The following GYPB variants were observed in gnomAD, a reference collection of about 807,000 sequenced individuals.
GYPB encodes the protein glycophorin B (MNS blood group).
GYPB carries 13 observed loss-of-function variants against 15.3 expected under a neutral mutation model. The ratio of observed to expected loss-of-function variants is 0.85; its 90% CI spans 0.55 to 1.35. The LOEUF (loss-of-function observed/expected upper bound fraction) is 1.35. GYPB is among the 40% of genes most tolerant of loss of function. The probability of loss-of-function intolerance (pLI) is 0.00; values close to 1 mark genes in which losing one functional copy is unlikely to be tolerated. For missense variants in GYPB, 131 were observed against 108.3 expected (o/e 1.21, Z -0.93); for synonymous variants, 38 against 36.9 (o/e 1.03, Z -0.11).
rs1728641323 is a variant in GYPB, at chr4:144,018,882, A to G, written c.37+369T>C. On this transcript the variant is annotated intron_variant, in intron 1 of 4. Transcript: ENST00000502664. ...GAAAACTAAAAGCCATATAGCTACC[A>G]ACACCTTTGTTAATAACTCTTTAGT... Among the ~76,000 whole-genome samples the G allele has an allele frequency of 2.0e-5, 3 of 151,518 alleles. No homozygotes were observed. The South Asian group carries it at 6.2e-4, about 31-fold the overall frequency.
intron 1 of GYPB, among the ~76,000 whole-genome samples, chr4:144,009,111 C>A (rs558906921): frequency 1.3e-5 from 2 of 151,426 alleles, no homozygotes; most frequent in South Asian, 2.1e-4. Context: ...CACTTCCTCC[C>A]TCAATTCACA....
In GYPB at chr4:144,011,302, C is replaced by T. The variant is rs190769242; in HGVS notation, c.37+7949G>A. Among the ~76,000 whole-genome samples, 594 of 151,424 alleles carry T rather than the reference C, an allele frequency of 3.9e-3. 44 individuals are homozygous for T. The highest frequency in any genetic ancestry group is 0.014 in the African/African-American group (570 of 40,724). On this transcript the variant is annotated intron_variant, in intron 1 of 4. Transcript: ENST00000502664. ...GGCTGAGGCAGGAGAATTGCTTGAACCCGGGAGGCAGAGGTTGCAGTGAGC... is the reference window on the plus strand; with the variant it reads ...GGCTGAGGCAGGAGAATTGCTTGAATCCGGGAGGCAGAGGTTGCAGTGAGC...
intron 1 of GYPB, among the ~76,000 whole-genome samples, chr4:144,010,755 A>G (rs1299061664): frequency 1.3e-5 from 2 of 151,362 alleles, no homozygotes; most frequent in Non-Finnish European, 1.5e-5. Flanking sequence ...TGGCTCATGC[A>G]CACCTTTATC....
chr4:143,997,308 T>C (rs1727374997), intron 4 of GYPB: 1 of 388,926 alleles, frequency 2.6e-6, no homozygotes, highest in African/African-American at 2.1e-5. Flanking sequence ...TAGGGAGATC[T>C]TTCATTGGGA....
At chr4:144,008,083 G>A (rs1356046171) in intron 1 of GYPB, among the ~76,000 whole-genome samples, 1 of 151,492 alleles carries the variant, frequency 6.6e-6, no homozygotes, top group African/African-American at 2.5e-5. Flanking sequence ...AACTAGCTGA[G>A]ACCCTATTGT....
At chr4:144,010,777 G>T (rs1268128678) in intron 1 of GYPB, among the ~76,000 whole-genome samples, 2 of 151,238 alleles carry the variant, frequency 1.3e-5, no homozygotes, top group Non-Finnish European at 2.9e-5. Context: ...AGCTTATCTA[G>T]CTCCAGAAAG....
At chr4:144,007,985 A>T (rs1239676231) in intron 1 of GYPB, among the ~76,000 whole-genome samples, 1 of 151,412 alleles carries the variant, frequency 6.6e-6, no homozygotes, top group Admixed American at 6.6e-5. Context: ...AATCATGGAA[A>T]TCTGTATGTC....
At chr4:144,018,703 C>G (rs546832159) in intron 1 of GYPB, among the ~76,000 whole-genome samples, 4 of 151,174 alleles carry the variant, frequency 2.6e-5, no homozygotes, top group South Asian at 2.1e-4. Context: ...AAAATTCACA[C>G]GACACCTAAG....
In GYPB at chr4:144,004,839, G is replaced by A. The variant is rs573600655; in HGVS notation, c.38-3556C>T. Reference sequence around the variant, plus strand: ...CTGTGGACATATTCAATTCTGCAAAGCTGCAAAATATCTGTGAGAAGCTGG... The same window carrying A: ...CTGTGGACATATTCAATTCTGCAAAACTGCAAAATATCTGTGAGAAGCTGG... On this transcript the variant is annotated intron_variant, in intron 1 of 4. Coordinates refer to ENST00000502664, the MANE Select transcript of GYPB (RefSeq NM_002100.6). 7.8e-4 allele frequency among the ~76,000 whole-genome samples: 119 copies of A among 151,902 alleles called. 4 individuals are homozygous for A. Among genetic ancestry groups the A allele is most frequent in the African/African-American group, 2.7e-3 (112 of 41,114 alleles).
intron 1 of GYPB, among the ~76,000 whole-genome samples, chr4:144,015,252 C>A (rs1197683559): frequency 6.6e-6 from 1 of 150,912 alleles, no homozygotes; most frequent in Non-Finnish European, 1.5e-5. Context: ...CTTACAATCC[C>A]AACACTCAGA....
intron 1 of GYPB, among the ~76,000 whole-genome samples, chr4:144,006,200 G>C (rs1579058168): frequency 1.3e-5 from 2 of 152,060 alleles, no homozygotes; most frequent in African/African-American, 4.8e-5. Context: ...GTTTGAGAAG[G>C]GTGGAATGAA....
chr4:144,013,848 C>A (rs915339456), intron 1 of GYPB, among the ~76,000 whole-genome samples: 1 of 150,534 alleles, frequency 6.6e-6, no homozygotes, highest in East Asian at 1.9e-4. Context: ...GTGCAGTGCA[C>A]CAGCATGGCA....
intron 1 of GYPB, among the ~76,000 whole-genome samples, chr4:144,018,706 C>T (rs940119248): frequency 5.3e-5 from 8 of 151,254 alleles, no homozygotes; most frequent in Admixed American, 1.3e-4. Flanking sequence ...ATTCACACGA[C>T]ACCTAAGCCA....
chr4:143,995,617 A>G (rs1427909753), downstream of GYPB, among the ~76,000 whole-genome samples: 1 of 151,108 alleles, frequency 6.6e-6, no homozygotes, highest in Non-Finnish European at 1.5e-5. Flanking sequence ...AGTGCTCTCC[A>G]GAGTTCATTT....
chr4:144,010,570 G>A (rs1273881103), intron 1 of GYPB, among the ~76,000 whole-genome samples: 1 of 151,462 alleles, frequency 6.6e-6, no homozygotes, highest in Non-Finnish European at 1.5e-5. Context: ...AGACAAGTGT[G>A]TGTGTGAGTC....
intron 1 of GYPB, among the ~76,000 whole-genome samples, chr4:144,003,403 G>T (rs1727727038): frequency 6.6e-6 from 1 of 151,210 alleles, no homozygotes. Context: ...GCTCACAGAA[G>T]GTCCTTATCA....
At chr4:144,014,467 A>G (rs1728389664) in intron 1 of GYPB, among the ~76,000 whole-genome samples, 2 of 151,732 alleles carry the variant, frequency 1.3e-5, no homozygotes, top group South Asian at 2.1e-4. Flanking sequence ...TATAAAAGGA[A>G]TGAAATACTG....
At chr4:144,005,528 C>A (rs1294235302) in intron 1 of GYPB, among the ~76,000 whole-genome samples, 1 of 151,734 alleles carries the variant, frequency 6.6e-6, no homozygotes, top group Non-Finnish European at 1.5e-5. Context: ...TATCTCTTAC[C>A]CCTCAGTGTC....
chr4:144,015,824 A>T lies in GYPB; in HGVS notation c.37+3427T>A, dbSNP rs1728458625. ...TTTGGGGATTTATTGGGGTTTACAG[A>T]TGAAAAATGATTGTAGATACCATCT... On this transcript the variant is annotated intron_variant, in intron 1 of 4. Coordinates refer to ENST00000502664, the MANE Select transcript of GYPB (RefSeq NM_002100.6). Among the ~76,000 whole-genome samples, 3 of 151,210 alleles carry T rather than the reference A, an allele frequency of 2.0e-5. 1 individual carries two copies. Among genetic ancestry groups the T allele is most frequent in the African/African-American group, 7.4e-5 (3 of 40,558 alleles).
Sources: gnomAD v4.1 joint callset for allele counts (sites outside exome capture counted in the v4.1 genomes callset) on GRCh38, gnomAD v4.1.1 for gene constraint, MANE v1.5 for transcripts, NCBI Gene and HGNC (gene_info 2026-07-23, HGNC 2026-07-21) for gene names.